Variants in KIF18A observed in about 807,000 individuals in gnomAD.
KIF18A encodes the protein kinesin-like protein KIF18A.
In KIF18A, 67 loss-of-function variants were observed where a neutral mutation model predicts 103.3. The ratio of observed to expected loss-of-function variants is 0.65; its 90% CI spans 0.53 to 0.79. The LOEUF is 0.79. Ranked by LOEUF, KIF18A falls within the 30% of genes least tolerant of loss-of-function variation. The pLI is 0.00. For synonymous variants in KIF18A, 367 were observed against 355.5 expected (o/e 1.03, Z -0.36); for missense variants, 1,032 against 1,062.5 (o/e 0.97, Z 0.40).
chr11:28,029,398 C>T (rs1424543425), intron 15 of KIF18A, among the ~76,000 whole-genome samples: 16 of 152,204 alleles, frequency 1.1e-4, no homozygotes, highest in Non-Finnish European at 1.8e-4. Context: ...TAAATGTAAT[C>T]CAGCATATAC....
intron 11 of KIF18A, among the ~76,000 whole-genome samples, chr11:28,068,928 A>AC (rs1350775500): frequency 2.0e-5 from 3 of 152,028 alleles, no homozygotes; most frequent in Non-Finnish European, 2.9e-5. Flanking sequence ...ACACACACAC[A>AC]CCCCCTTTCA....
chr11:28,071,652 T>A (rs1167292613), intron 10 of KIF18A, among the ~76,000 whole-genome samples: 3 of 151,880 alleles, frequency 2.0e-5, no homozygotes, highest in Non-Finnish European at 4.4e-5. Context: ...CTCTTTGAAG[T>A]CCTAAATAAT....
Position 28,108,147 on chromosome 11 carries a change from A to T in KIF18A, c.-130T>A, listed in dbSNP as rs1447845333. ...TAATGTCCGCCTCCCAGCGCTTCAG[A>T]CTCAACCACAATATTCAAACCCAAG... On this transcript the variant is annotated 5_prime_UTR_variant, in exon 1 of 17. Coordinates refer to ENST00000263181, the MANE Select transcript of KIF18A (RefSeq NM_031217.4). The T allele has an allele frequency of 2.6e-5, 4 of 152,312 alleles. No individual in the cohort carries two copies. The allele number at this position is 152,312 out of a possible 1,614,324, so 9.4% of individuals were successfully genotyped here.
Position 28,058,417 on chromosome 11 carries a change from C to T in KIF18A, c.1948+509G>A, listed in dbSNP as rs192664676. Among the ~76,000 whole-genome samples the T allele has an allele frequency of 3.5e-3, 516 of 146,802 alleles. 3 individuals are homozygous for T. Among genetic ancestry groups the T allele is most frequent in the Non-Finnish European group, 5.9e-3 (396 of 67,234 alleles). ...CCTATAATCTCAGCAATTTGGGAGG[C>T]CAGGGGAGACAACTGCTTGAGCCCA... On this transcript the variant is annotated intron_variant, in intron 13 of 16. Transcript: ENST00000263181.
chr11:28,101,561 C>A (rs1241011981), intron 1 of KIF18A, among the ~76,000 whole-genome samples: 1 of 152,116 alleles, frequency 6.6e-6, no homozygotes, highest in African/African-American at 2.4e-5. Flanking sequence ...TGTGGCTCAG[C>A]TTCCCCATCT....
In KIF18A at chr11:28,088,724, T is replaced by G. The variant is rs1827072677; in HGVS notation, c.700-3A>C. 4 of 1,610,350 alleles carry G rather than the reference T, an allele frequency of 2.5e-6. No individual in the cohort carries two copies. Among genetic ancestry groups the G allele is most frequent in the Admixed American group, 1.7e-5 (1 of 59,770 alleles). Reference sequence around the variant, plus strand: ...TTGTCTTGTTGTCGCAAGTAAATCTTTTTGAAATTACAAAATAGAAAAAAA... The same window carrying G: ...TTGTCTTGTTGTCGCAAGTAAATCTGTTTGAAATTACAAAATAGAAAAAAA... On this transcript the variant is annotated splice_polypyrimidine_tract_variant and splice_region_variant and intron_variant, in intron 5 of 16. Transcript: ENST00000263181.
intron 16 of KIF18A, among the ~76,000 whole-genome samples, chr11:28,022,303 C>T (rs1411740338): frequency 1.3e-5 from 2 of 150,262 alleles, no homozygotes; most frequent in African/African-American, 4.9e-5. Context: ...TTTGCTCAGT[C>T]GCCCAGGCTG....
At chr11:28,056,120 CAA>C (rs1334244879) in intron 13 of KIF18A, among the ~76,000 whole-genome samples, 1 of 148,102 alleles carries the variant, frequency 6.8e-6, no homozygotes, top group Non-Finnish European at 1.5e-5. Context: ...GAATAATGAC[CAA>C]AAAAAGTCTA....
chr11:28,060,483 T>G (rs926122549), intron 12 of KIF18A, among the ~76,000 whole-genome samples: 3 of 152,150 alleles, frequency 2.0e-5, no homozygotes, highest in Admixed American at 6.6e-5. Context: ...GGTGCTGCAT[T>G]TAAGTCAAGT....
chr11:28,034,247 CATG>C (rs1278161989), intron 15 of KIF18A, among the ~76,000 whole-genome samples: 1 of 151,730 alleles, frequency 6.6e-6, no homozygotes, highest in African/African-American at 2.4e-5. Flanking sequence ...TCACTGCTCC[CATG>C]ATGTTTTTTT....
At chr11:28,050,401 T>C (rs1465604420) in intron 13 of KIF18A, among the ~76,000 whole-genome samples, 1 of 151,932 alleles carries the variant, frequency 6.6e-6, no homozygotes, top group African/African-American at 2.4e-5. Context: ...TATTAACATT[T>C]TCCTGCTTTA....
intron 11 of KIF18A, among the ~76,000 whole-genome samples, chr11:28,064,079 A>T (rs991963535): frequency 1.3e-5 from 2 of 151,146 alleles, no homozygotes; most frequent in African/African-American, 2.4e-5. Context: ...ATATATATTA[A>T]AGTTAGGATA....
In KIF18A at chr11:28,021,244, C is replaced by T. The variant is rs1227348818; in HGVS notation, c.2653G>A (p.Val885Ile). The T allele has an allele frequency of 4.0e-6, 6 of 1,494,762 alleles. No homozygotes were observed. Among genetic ancestry groups the T allele is most frequent in the Middle Eastern group, 3.5e-4 (2 of 5,682 alleles). 92.6% of individuals were successfully genotyped at this position (1,494,762 alleles called of 1,614,324 possible). A position where few individuals can be genotyped will look rare whatever the true frequency, so the allele number is the denominator to read the frequency against. ...GAAATATTTCTTCCAAATTTTCTAA[C>T]CATGCTTGGATTTATTTTACAGATG... ...RNICKINPSM[V>I]RKFGRNISKG... The change falls in exon 17 of 17, where the codon GTT becomes ATT. Residue 885 changes from valine (V) to isoleucine (I), a missense_variant. By Grantham distance (29) the Val-to-Ile change is conservative. Coordinates refer to ENST00000263181, the MANE Select transcript of KIF18A (RefSeq NM_031217.4).
chr11:28,054,098 G>A (rs547184657), intron 13 of KIF18A, among the ~76,000 whole-genome samples: 1 of 152,004 alleles, frequency 6.6e-6, no homozygotes, highest in South Asian at 2.1e-4. Flanking sequence ...TGAGCACAAA[G>A]ATAAATATAC....
intron 11 of KIF18A, among the ~76,000 whole-genome samples, chr11:28,065,068 A>G (rs1241214706): frequency 2.0e-5 from 3 of 152,062 alleles, no homozygotes; most frequent in African/African-American, 7.2e-5. Flanking sequence ...GTAGCAGTCC[A>G]ATAATGGGGC....
At chr11:28,081,343 G>A (rs141337253) in intron 9 of KIF18A, among the ~76,000 whole-genome samples, 1 of 152,208 alleles carries the variant, frequency 6.6e-6, no homozygotes. Context: ...TACTTTCAAA[G>A]CTTTAAAGAA....
intron 16 of KIF18A, among the ~76,000 whole-genome samples, chr11:28,022,776 T>G (rs922029908): frequency 6.6e-6 from 1 of 152,242 alleles, no homozygotes; most frequent in Admixed American, 6.5e-5. Context: ...TGCTGTCTGA[T>G]GCTTCAATTT....
chr11:28,080,229 A>G (rs1851147268), intron 9 of KIF18A, among the ~76,000 whole-genome samples: 1 of 152,174 alleles, frequency 6.6e-6, no homozygotes, highest in Non-Finnish European at 1.5e-5. Flanking sequence ...TATGTAAAAT[A>G]AAAACTAAAA....
chr11:28,086,759 A>G (rs1029214164), intron 6 of KIF18A, among the ~76,000 whole-genome samples: 1 of 152,176 alleles, frequency 6.6e-6, no homozygotes, highest in Non-Finnish European at 1.5e-5. Flanking sequence ...TTACATGTAC[A>G]AGACATATAT....
Sources: gnomAD v4.1 joint callset for allele counts (sites outside exome capture counted in the v4.1 genomes callset) on GRCh38, gnomAD v4.1.1 for gene constraint, MANE v1.5 for transcripts, NCBI Gene and HGNC (gene_info 2026-07-23, HGNC 2026-07-21) for gene names.